The following MAGT1 variants were observed in gnomAD, a reference collection of about 807,000 sequenced individuals.
MAGT1 encodes the protein magnesium transporter 1.
In MAGT1, 4 loss-of-function variants were observed where a neutral mutation model predicts 28.4. That is an observed-to-expected ratio of 0.14 (90% CI 0.07 to 0.32). MAGT1 has a LOEUF of 0.32. MAGT1 is among the 10% of genes least tolerant of loss of function. The probability of loss-of-function intolerance (pLI) is 1.00; values close to 1 mark genes in which losing one functional copy is unlikely to be tolerated. For synonymous variants in MAGT1, 89 were observed against 89.7 expected (o/e 0.99, Z 0.04); for missense variants, 193 against 264.5 (o/e 0.73, Z 1.88).
intron 1 of MAGT1, among the ~76,000 whole-genome samples, chrX:77,882,155 A>G (rs1056744254): frequency 1.8e-5 from 2 of 112,164 alleles, no homozygotes; most frequent in African/African-American, 6.5e-5. Flanking sequence ...TCTAAAAATA[A>G]TAAGAGCTAT....
intron 1 of MAGT1, among the ~76,000 whole-genome samples, chrX:77,883,660 G>C (rs1333220510): frequency 9.9e-6 from 1 of 101,229 alleles, no homozygotes; most frequent in Non-Finnish European, 2.0e-5. Context: ...CCAGGCTCTA[G>C]TGATTCTCCC....
chrX:77,871,779 T>C (rs2077021033), intron 2 of MAGT1, among the ~76,000 whole-genome samples: 1 of 107,527 alleles, frequency 9.3e-6, no homozygotes, highest in Admixed American at 1.0e-4. Flanking sequence ...GAGGCGGAGA[T>C]TGCAGTGAGC....
intron 8 of MAGT1, among the ~76,000 whole-genome samples, chrX:77,837,006 C>T (rs782156348): frequency 7.9e-4 from 89 of 112,297 alleles, no homozygotes; most frequent in African/African-American, 2.8e-3. Context: ...GAGCAGTTCC[C>T]AGAACATGCT....
intron 1 of MAGT1, among the ~76,000 whole-genome samples, chrX:77,889,927 C>A (rs2077077809): frequency 8.9e-6 from 1 of 111,982 alleles, no homozygotes; most frequent in Non-Finnish European, 1.9e-5. Flanking sequence ...AGAATCCCCA[C>A]CTCCCACCAC....
At chrX:77,856,932 G>T in intron 4 of MAGT1, 59 bp from the exon 5 acceptor site, 2 of 1,009,281 alleles carry the variant, frequency 2.0e-6, no homozygotes, top group Non-Finnish European at 2.8e-6. Flanking sequence ...AATTATATGG[G>T]TCAAAATAAA....
At chrX:77,844,190 T>C (rs1204702578) in intron 7 of MAGT1, among the ~76,000 whole-genome samples, 2 of 111,968 alleles carry the variant, frequency 1.8e-5, no homozygotes, top group East Asian at 2.8e-4. Flanking sequence ...GGTGTATGTG[T>C]CCAGGAATTT....
chrX:77,877,498 A>T (rs185317565), intron 1 of MAGT1, among the ~76,000 whole-genome samples: 85 of 108,725 alleles, frequency 7.8e-4, no homozygotes, highest in African/African-American at 2.8e-3. Flanking sequence ...CTCAAAAAAA[A>T]AAATAAAATA....
intron 8 of MAGT1, among the ~76,000 whole-genome samples, chrX:77,837,968 G>A (rs1430488756): frequency 7.2e-5 from 8 of 111,484 alleles, no homozygotes; most frequent in Non-Finnish European, 1.5e-4. Flanking sequence ...TCGAACTCCT[G>A]ACCTCAGGTG....
chrX:77,853,258 C>T (rs1039375226), intron 7 of MAGT1, among the ~76,000 whole-genome samples: 1 of 111,873 alleles, frequency 8.9e-6, no homozygotes, highest in South Asian at 3.7e-4. Flanking sequence ...GTCAAAATAT[C>T]CCCATCTTTG....
chrX:77,889,140 ATT>A lies in MAGT1; in HGVS notation c.102+6167_102+6168del, dbSNP rs782124850. Among the ~76,000 whole-genome samples the A allele has an allele frequency of 2.9e-4, 20 of 68,279 alleles. No individual in the cohort carries two copies. The East Asian group carries it at 3.1e-3, about 11-fold the overall frequency. 59.3% of individuals were successfully genotyped at this position (68,279 alleles called of 115,157 possible). On this transcript the variant is annotated intron_variant, in intron 1 of 9. Transcript: ENST00000618282. ...CAGGCACACACCACCATGCTCTGCT[ATT>A]TTTTTTTTTTTTTTTTTTGCTAGGA...
At chrX:77,884,223 A>G (rs1557218782) in intron 1 of MAGT1, among the ~76,000 whole-genome samples, 1 of 111,545 alleles carries the variant, frequency 9.0e-6, no homozygotes, top group Non-Finnish European at 1.9e-5. Flanking sequence ...TTTTACAATA[A>G]AATTACATGA....
At chrX:77,890,011 G>A (rs782450493) in intron 1 of MAGT1, among the ~76,000 whole-genome samples, 22 of 111,866 alleles carry the variant, frequency 2.0e-4, no homozygotes, top group African/African-American at 3.6e-4. Context: ...GCTCCCACAC[G>A]TAAGTGAGGA....
At chrX:77,887,035 C>T (rs897927421) in intron 1 of MAGT1, among the ~76,000 whole-genome samples, 3 of 111,710 alleles carry the variant, frequency 2.7e-5, no homozygotes, top group African/African-American at 9.8e-5. Flanking sequence ...TTCACTGGTC[C>T]TCTTTTTTGT....
intron 7 of MAGT1, among the ~76,000 whole-genome samples, chrX:77,842,826 CA>C (rs1399939281): frequency 9.8e-6 from 1 of 102,328 alleles, no homozygotes. Flanking sequence ...GACTCCATCT[CA>C]AAAAAAAAAG....
intron 7 of MAGT1, among the ~76,000 whole-genome samples, chrX:77,853,522 C>T (rs1453547397): frequency 1.8e-5 from 2 of 112,080 alleles, no homozygotes; most frequent in African/African-American, 6.5e-5. Context: ...ACAGTTCAGA[C>T]CTGATGTTGA....
intron 7 of MAGT1, among the ~76,000 whole-genome samples, chrX:77,852,328 T>A (rs2076970819): frequency 8.9e-6 from 1 of 112,402 alleles, no homozygotes; most frequent in Non-Finnish European, 1.9e-5. Flanking sequence ...ATATTTTCCA[T>A]AGTGCATAAG....
chrX:77,890,732 T>C (rs1222369685), intron 1 of MAGT1, among the ~76,000 whole-genome samples: 1 of 112,089 alleles, frequency 8.9e-6, no homozygotes, highest in Non-Finnish European at 1.9e-5. Flanking sequence ...TGCCAGGTAC[T>C]GCATTAGGTA....
chrX:77,883,863 T>A (rs2077060205), intron 1 of MAGT1, among the ~76,000 whole-genome samples: 1 of 110,811 alleles, frequency 9.0e-6, no homozygotes, highest in Non-Finnish European at 1.9e-5. Context: ...TTCTTTAAAA[T>A]GAATTGAAAA....
At chrX:77,846,088 G>T (rs1464156590) in intron 7 of MAGT1, among the ~76,000 whole-genome samples, 4 of 111,548 alleles carry the variant, frequency 3.6e-5, no homozygotes, top group Non-Finnish European at 7.5e-5. Flanking sequence ...CGTAGATTTG[G>T]TCTTTTCACA....
Sources: allele counts gnomAD v4.1 joint callset (sites outside exome capture counted in the v4.1 genomes callset), GRCh38; gene constraint gnomAD v4.1.1; transcripts MANE v1.5; gene names NCBI Gene and HGNC (gene_info 2026-07-23, HGNC 2026-07-21).